Variants in COMMD10 observed in about 807,000 individuals in gnomAD.
COMMD10 encodes COMM domain containing 10.
Under a neutral mutation model 28.9 loss-of-function variants are expected in COMMD10, and 33 were observed. That is an observed-to-expected ratio of 1.14 (90% confidence interval 0.87 to 1.53). COMMD10 has a LOEUF of 1.53. Among genes scored for constraint, COMMD10 ranks in the 40% most tolerant of loss-of-function variants. The pLI is 0.00. For missense variants in COMMD10, 310 were observed against 233.4 expected (o/e 1.33, Z -2.14); for synonymous variants, 110 against 81.7 (o/e 1.35, Z -1.87).
intron 5 of COMMD10, among the ~76,000 whole-genome samples, chr5:116,140,103 T>C (rs1305018150): frequency 6.6e-6 from 1 of 151,712 alleles, no homozygotes; most frequent in East Asian, 1.9e-4. Flanking sequence ...AAATTCCACA[T>C]ATAAGTGAGA....
chr5:116,250,480 G>GA (rs933738123), intron 5 of COMMD10, among the ~76,000 whole-genome samples: 10 of 150,894 alleles, frequency 6.6e-5, no homozygotes, highest in African/African-American at 1.7e-4. Flanking sequence ...GGCTAAAAAG[G>GA]AAAAAAAATT....
chr5:116,149,459 T>G (rs1473945038), intron 5 of COMMD10, among the ~76,000 whole-genome samples: 166 of 147,476 alleles, frequency 1.1e-3, no homozygotes, highest in African/African-American at 3.9e-3. Context: ...TGAACTAGTT[T>G]ACAGTCCCAC....
intron 5 of COMMD10, among the ~76,000 whole-genome samples, chr5:116,227,896 T>C (rs1443147008): frequency 1.3e-5 from 2 of 152,094 alleles, no homozygotes; most frequent in African/African-American, 4.8e-5. Flanking sequence ...AAATCACTTA[T>C]CACACTGCAG....
chr5:116,091,268 GT>G (rs552517861), intron 3 of COMMD10, 79 bp downstream of exon 3: 159 of 622,472 alleles, frequency 2.6e-4, no homozygotes, highest in African/African-American at 1.6e-3. Flanking sequence ...ATGACATTCT[GT>G]TTTTTTTAAT....
chr5:116,252,075 G>C (rs950601045), intron 5 of COMMD10, among the ~76,000 whole-genome samples: 31 of 149,958 alleles, frequency 2.1e-4, no homozygotes, highest in African/African-American at 7.5e-4. Context: ...TTTCATGTGT[G>C]TTTTGGCTGC....
chr5:116,291,042 A>C (rs1026376205), intron 5 of COMMD10, among the ~76,000 whole-genome samples: 1 of 152,126 alleles, frequency 6.6e-6, no homozygotes, highest in Non-Finnish European at 1.5e-5. Context: ...AGAAGGTAAC[A>C]CTCAGCATGT....
intron 5 of COMMD10, among the ~76,000 whole-genome samples, chr5:116,136,853 C>T (rs1752038857): frequency 1.3e-5 from 2 of 152,112 alleles, no homozygotes; most frequent in Admixed American, 1.3e-4. Context: ...AGGAGAAGCA[C>T]ACATACATAA....
intron 4 of COMMD10, among the ~76,000 whole-genome samples, chr5:116,113,542 T>A (rs7341061): frequency 2.0e-5 from 3 of 152,106 alleles, no homozygotes; most frequent in African/African-American, 7.2e-5. Flanking sequence ...AGACCTGTCT[T>A]CATGTTCTGA....
intron 5 of COMMD10, among the ~76,000 whole-genome samples, chr5:116,233,985 G>A (rs1456874461): frequency 1.3e-5 from 2 of 152,080 alleles, no homozygotes; most frequent in East Asian, 3.9e-4. Context: ...TAACAGAAGA[G>A]GTAAAGAGTA....
At chr5:116,127,178 T>C (rs969142156) in intron 4 of COMMD10, among the ~76,000 whole-genome samples, 8 of 152,078 alleles carry the variant, frequency 5.3e-5, no homozygotes, top group African/African-American at 1.4e-4. Context: ...TGAAAAAATG[T>C]TCATCATCAC....
chr5:116,090,820 C>T, intron 2 of COMMD10, among the ~76,000 whole-genome samples: 1 of 152,162 alleles, frequency 6.6e-6, no homozygotes, highest in East Asian at 1.9e-4. Context: ...TAGATGAGCC[C>T]CTTAGCACAG....
chr5:116,273,611 T>G (rs1182217570), intron 5 of COMMD10, among the ~76,000 whole-genome samples: 1 of 151,834 alleles, frequency 6.6e-6, no homozygotes, highest in African/African-American at 2.4e-5. Flanking sequence ...TGTCTAAACA[T>G]TAACAGATAC....
intron 5 of COMMD10, among the ~76,000 whole-genome samples, chr5:116,174,453 G>C (rs1044566565): frequency 6.6e-6 from 1 of 152,150 alleles, no homozygotes; most frequent in Non-Finnish European, 1.5e-5. Flanking sequence ...CTGAATTATA[G>C]TCTACAAGGA....
chr5:116,093,532 T>C (rs1750369798), intron 4 of COMMD10, among the ~76,000 whole-genome samples: 1 of 152,130 alleles, frequency 6.6e-6, no homozygotes, highest in Non-Finnish European at 1.5e-5. Flanking sequence ...GCCCCGAGAC[T>C]GGCATAGGGA....
At chr5:116,255,569 C>A (rs1324014764) in intron 5 of COMMD10, among the ~76,000 whole-genome samples, 1 of 151,448 alleles carries the variant, frequency 6.6e-6, no homozygotes, top group Admixed American at 6.6e-5. Flanking sequence ...TAGGAGTCTG[C>A]AGAAACTACT....
chr5:116,217,762 A>G (rs907559712), intron 5 of COMMD10, among the ~76,000 whole-genome samples: 13 of 152,138 alleles, frequency 8.5e-5, no homozygotes, highest in African/African-American at 3.1e-4. Flanking sequence ...AAGTCGCGGA[A>G]TCCCTCCTGG....
intron 4 of COMMD10, among the ~76,000 whole-genome samples, chr5:116,104,265 C>T (rs1042655974): frequency 6.6e-6 from 1 of 152,162 alleles, no homozygotes; most frequent in Non-Finnish European, 1.5e-5. Flanking sequence ...GATATTGATT[C>T]TTCCTATCCA....
At chr5:116,141,710 G>A (rs1752202118) in intron 5 of COMMD10, among the ~76,000 whole-genome samples, 1 of 151,732 alleles carries the variant, frequency 6.6e-6, no homozygotes, top group African/African-American at 2.4e-5. Context: ...GGTGGTGGCT[G>A]GGAAAGTGGG....
chr5:116,273,250 T>A (rs771458869), intron 5 of COMMD10, among the ~76,000 whole-genome samples: 45 of 151,868 alleles, frequency 3.0e-4, no homozygotes, highest in Non-Finnish European at 5.0e-4. Flanking sequence ...CATAGTTTTT[T>A]CATAATATGC....
Sources: gnomAD v4.1 joint callset for allele counts (sites outside exome capture counted in the v4.1 genomes callset) on GRCh38, gnomAD v4.1.1 for gene constraint, MANE v1.5 for transcripts, NCBI Gene and HGNC (gene_info 2026-07-23, HGNC 2026-07-21) for gene names.